NRG4: variants seen among roughly 807,000 people sequenced by gnomAD.
The protein encoded by NRG4 is pro-neuregulin-4, membrane-bound isoform.
Under a neutral mutation model 15.0 loss-of-function variants are expected in NRG4, and 10 were observed. The observed-to-expected ratio is 0.67, with a 90% CI of 0.41 to 1.13. The LOEUF is 1.13. Ranked by LOEUF, NRG4 falls within the 50% of genes most tolerant of loss-of-function variation. NRG4 has a pLI of 0.00. For missense variants in NRG4, 139 were observed against 140.2 expected, an observed-to-expected ratio of 0.99 and a Z score of 0.04; for synonymous variants, 41 against 50.1, an observed-to-expected ratio of 0.82 and a Z score of 0.77.
downstream of NRG4, chr15:75,940,503 G>A (rs1474661491): frequency 2.1e-5 from 3 of 143,640 alleles, no homozygotes; most frequent in Admixed American, 1.4e-4. Flanking sequence ...TGAATTTCAT[G>A]TGGAATCTGA....
At chr15:75,979,156 T>C (rs776782054) in intron 3 of NRG4, among the ~76,000 whole-genome samples, 4 of 152,222 alleles carry the variant, frequency 2.6e-5, no homozygotes, top group Non-Finnish European at 5.9e-5. Flanking sequence ...TTTGCTTTTG[T>C]TACCTGTGCT....
chr15:76,048,513 A>T (rs1473701238), intron 4 of NRG4, among the ~76,000 whole-genome samples: 1 of 148,348 alleles, frequency 6.7e-6, no homozygotes, highest in Non-Finnish European at 1.5e-5. Flanking sequence ...AATGTGATTT[A>T]TAAACTCTTA....
Position 75,942,480 on chromosome 15 carries a change from TC to T in NRG4, c.*1157del, listed in dbSNP as rs1463556165. 3 of 152,152 alleles carry T rather than the reference TC, an allele frequency of 2.0e-5. No individual in the cohort carries two copies. The highest frequency in any genetic ancestry group is 4.4e-5 in the Non-Finnish European group (3 of 68,034). The allele number at this position is 152,152 out of a possible 1,614,324, so 9.4% of individuals were successfully genotyped here. ...ACTATCTGCTCAGTTTTTCTGAAAA[TC>T]TAAAACTTCTAATAAAGTCTATTAA... is the stretch of plus-strand genomic sequence containing the variant. On this transcript the variant is annotated 3_prime_UTR_variant, in exon 6 of 6. Transcript: ENST00000394907.
Position 76,011,283 on chromosome 15 carries a change from G to A in NRG4, c.-53C>T. 1.4e-6 allele frequency: 2 copies of A among 1,381,662 alleles called. No homozygotes were observed. Among genetic ancestry groups the A allele is most frequent in the South Asian group, 2.0e-5 (1 of 49,982 alleles). The allele number at this position is 1,381,662 out of a possible 1,614,324, so 85.6% of individuals were successfully genotyped here. On this transcript the variant is annotated 5_prime_UTR_variant, in exon 2 of 6. Coordinates refer to ENST00000394907, the MANE Select transcript of NRG4 (RefSeq NM_138573.4). The stretch of plus-strand genomic sequence containing the variant: ...GTCAAGAGAGTAGGGTTGAAAAACA[G>A]TACCTAAAACGGTTTAAAAAGTAAT...
intron 3 of NRG4, among the ~76,000 whole-genome samples, chr15:75,983,217 A>C (rs1487196900): frequency 6.6e-6 from 1 of 152,230 alleles, no homozygotes; most frequent in Non-Finnish European, 1.5e-5. Context: ...TCAATGAAGC[A>C]AAACATATTT....
At chr15:76,035,247 A>G (rs2035572927) in intron 5 of NRG4, among the ~76,000 whole-genome samples, 1 of 152,196 alleles carries the variant, frequency 6.6e-6, no homozygotes, top group Non-Finnish European at 1.5e-5. Context: ...TCCTGGCTTC[A>G]TGATTCCATT....
intron 3 of NRG4, among the ~76,000 whole-genome samples, 187 bp from the exon 4 acceptor site, chr15:75,962,161 A>C (rs1464212462): frequency 6.6e-6 from 1 of 152,254 alleles, no homozygotes; most frequent in Non-Finnish European, 1.5e-5. Context: ...CAAATTTGTT[A>C]TAATAAAACA....
rs571038225 is a variant in NRG4 at position 75,941,741 on chromosome 15, T to C, written c.*1897A>G. ...ACAAAGTAGAACAAAGATTACGTTT[T>C]GTCACAGGGAGCAGGAGGGAATGGG... On this transcript the variant is annotated 3_prime_UTR_variant, in exon 6 of 6. Coordinates refer to ENST00000394907, the MANE Select transcript of NRG4 (RefSeq NM_138573.4). The C allele has an allele frequency of 2.4e-4, 36 of 152,210 alleles. No individual in the cohort carries two copies. Among genetic ancestry groups the C allele is most frequent in the African/African-American group, 8.7e-4 (36 of 41,538 alleles). 9.4% of individuals were successfully genotyped at this position (152,210 alleles called of 1,614,324 possible).
In NRG4 at chr15:75,942,120, CAA is replaced by C. The variant is rs903663901; in HGVS notation, c.*1516_*1517del. On this transcript the variant is annotated 3_prime_UTR_variant, in exon 6 of 6. Transcript: ENST00000394907. ...CAAATATATGACATTCTGGAGAAAG[CAA>C]AGTTAGTAAAGACTGGTTGCCAGAG... 6.6e-6 allele frequency: 1 copy of C among 151,532 alleles called. No individual in the cohort carries two copies. Among genetic ancestry groups the C allele is most frequent in the Non-Finnish European group, 1.5e-5 (1 of 67,894 alleles). The allele number at this position is 151,532 out of a possible 1,614,324, so 9.4% of individuals were successfully genotyped here.
chr15:75,964,989 G>T (rs1336105051), intron 3 of NRG4, among the ~76,000 whole-genome samples: 1 of 152,152 alleles, frequency 6.6e-6, no homozygotes, highest in Non-Finnish European at 1.5e-5. Context: ...AGTTTGGGAG[G>T]CCGAGGCGGG....
chr15:76,053,482 A>G (rs995887015), intron 2 of NRG4: 1 of 151,076 alleles, frequency 6.6e-6, no homozygotes, highest in Non-Finnish European at 1.5e-5. Context: ...GTATTCCATA[A>G]ATGTCAGCAA....
chr15:75,988,679 A>G (rs1027595727), intron 3 of NRG4, among the ~76,000 whole-genome samples: 1 of 152,156 alleles, frequency 6.6e-6, no homozygotes, highest in Non-Finnish European at 1.5e-5. Flanking sequence ...AAAATGGATG[A>G]TGCCAAGGAA....
upstream of NRG4, among the ~76,000 whole-genome samples, chr15:76,017,021 C>CAT (rs1346419116): frequency 1.3e-5 from 2 of 152,062 alleles, no homozygotes; most frequent in Non-Finnish European, 2.9e-5. Context: ...GTATTGGGTG[C>CAT]ATATATATTT....
At chr15:76,026,643 G>A (rs1468841833) in intron 5 of NRG4, among the ~76,000 whole-genome samples, 1 of 152,050 alleles carries the variant, frequency 6.6e-6, no homozygotes, top group South Asian at 2.1e-4. Context: ...AAAGAGAAAG[G>A]ATTCAAACCA....
chr15:75,955,081 C>G (rs1003484880), intron 5 of NRG4, among the ~76,000 whole-genome samples: 1 of 152,102 alleles, frequency 6.6e-6, no homozygotes, highest in Non-Finnish European at 1.5e-5. Context: ...ACCTCTAATC[C>G]TTCAGGTGAT....
intron 5 of NRG4, among the ~76,000 whole-genome samples, chr15:76,024,522 A>T (rs2035249394): frequency 6.6e-6 from 1 of 152,198 alleles, no homozygotes; most frequent in African/African-American, 2.4e-5. Context: ...CCCATGCCTT[A>T]GGTCTAAGAA....
At position 75,943,594 on chromosome 15, in the gene NRG4, C is replaced by CTT. The variant is rs755893340; in HGVS notation, c.*42_*43dup. On this transcript the variant is annotated 3_prime_UTR_variant, in exon 6 of 6. Transcript: ENST00000394907. Reference sequence around the variant, plus strand: ...TACCTAGTGGTGTTTCATTTTCTGCCTTTGTAAAATAAAAACAATGATTTG... The same window carrying CTT: ...TACCTAGTGGTGTTTCATTTTCTGCCTTTTTGTAAAATAAAAACAATGATTTG... 7.4e-7 allele frequency: 1 copy of CTT among 1,350,276 alleles called. No homozygotes were observed. The highest frequency in any genetic ancestry group is 2.3e-5 in the East Asian group (1 of 43,462). The allele number at this position is 1,350,276 out of a possible 1,614,324, so 83.6% of individuals were successfully genotyped here.
intron 3 of NRG4, among the ~76,000 whole-genome samples, chr15:76,005,507 G>A (rs368689464): frequency 1.4e-3 from 206 of 151,022 alleles, no homozygotes; most frequent in African/African-American, 4.6e-3. Flanking sequence ...CTAAAATGGC[G>A]AAACCCCGCC....
intron 5 of NRG4, among the ~76,000 whole-genome samples, chr15:76,024,867 C>T (rs1021541947): frequency 2.6e-5 from 4 of 152,140 alleles, no homozygotes; most frequent in Non-Finnish European, 5.9e-5. Context: ...CCCCAAGACC[C>T]ATCTATATGT....
Sources: gnomAD v4.1 joint callset for allele counts (sites outside exome capture counted in the v4.1 genomes callset) on GRCh38, gnomAD v4.1.1 for gene constraint, MANE v1.5 for transcripts, NCBI Gene and HGNC (gene_info 2026-07-23, HGNC 2026-07-21) for gene names.